Variants in FBXL20 observed in about 807,000 individuals in gnomAD.
The protein encoded by FBXL20 is F-box and leucine rich repeat protein 20.
FBXL20 carries 11 observed loss-of-function variants against 64.0 expected under a neutral mutation model. The observed-to-expected ratio is 0.17, with a 90% CI of 0.11 to 0.28. The LOEUF is 0.28. FBXL20 is among the 10% of genes least tolerant of loss of function. The pLI is 1.00. For missense variants in FBXL20, 303 were observed against 526.2 expected (o/e 0.58, Z 4.15); for synonymous variants, 184 against 189.0 (o/e 0.97, Z 0.22).
At chr17:39,291,539 T>C (rs1304951497) in intron 6 of FBXL20, among the ~76,000 whole-genome samples, 6 of 150,936 alleles carry the variant, frequency 4.0e-5, no homozygotes, top group Non-Finnish European at 8.8e-5. Context: ...GTTCAAGCGA[T>C]TCTCCTGCCT....
intron 9 of FBXL20, among the ~76,000 whole-genome samples, chr17:39,280,906 G>C (rs1458595432): frequency 6.6e-6 from 1 of 152,014 alleles, no homozygotes; most frequent in Admixed American, 6.6e-5. Context: ...TGGGACTACA[G>C]GCACACACCA....
At chr17:39,338,783 A>C (rs2047554032) in intron 2 of FBXL20, among the ~76,000 whole-genome samples, 1 of 152,192 alleles carries the variant, frequency 6.6e-6, no homozygotes. Context: ...GTCAAACTGC[A>C]TAACTTGAAT....
chr17:39,298,337 GT>G (rs2047105057), intron 5 of FBXL20, among the ~76,000 whole-genome samples: 3 of 152,010 alleles, frequency 2.0e-5, no homozygotes, highest in Non-Finnish European at 4.4e-5. Flanking sequence ...GCCTAGATTG[GT>G]CTTGTACTCC....
chr17:39,370,997 T>A (rs900727079), intron 1 of FBXL20, among the ~76,000 whole-genome samples: 1 of 151,962 alleles, frequency 6.6e-6, no homozygotes, highest in Non-Finnish European at 1.5e-5. Flanking sequence ...GGCGGGTGGA[T>A]CACCTGAGTT....
Position 39,401,343 on chromosome 17 carries a change from AGCC to A in FBXL20, c.42+15_42+17del, listed in dbSNP as rs2048241300. On this transcript the variant is annotated intron_variant, in intron 1 of 14. Coordinates refer to ENST00000264658, the MANE Select transcript of FBXL20 (RefSeq NM_032875.3). Reference sequence around the variant, plus strand: ...CGACCCGCCCTCCTCACGCCGCCCGAGCCCCCCAAGCTCACACCTCAAACCTGC... The same window carrying A: ...CGACCCGCCCTCCTCACGCCGCCCGACCCCAAGCTCACACCTCAAACCTGC... The A allele has an allele frequency of 1.9e-6, 3 of 1,611,654 alleles. No individual in the cohort carries two copies. The African/African-American group carries it at 4.1e-5, about 22-fold the overall frequency.
At chr17:39,363,241 C>T (rs2047817174) in intron 1 of FBXL20, among the ~76,000 whole-genome samples, 1 of 149,244 alleles carries the variant, frequency 6.7e-6, no homozygotes, top group African/African-American at 2.5e-5. Flanking sequence ...CTTGAACTCC[C>T]AACCTCAGGT....
At chr17:39,318,589 C>T (rs944236364) in intron 2 of FBXL20, among the ~76,000 whole-genome samples, 1 of 151,842 alleles carries the variant, frequency 6.6e-6, no homozygotes, top group African/African-American at 2.4e-5. Flanking sequence ...AAAAATACAA[C>T]ATTAGCCAGG....
intron 1 of FBXL20, among the ~76,000 whole-genome samples, chr17:39,372,425 A>G (rs1169016154): frequency 6.9e-6 from 1 of 144,052 alleles, no homozygotes; most frequent in Non-Finnish European, 1.5e-5. Flanking sequence ...AGGCTGAGGC[A>G]GGAGAATCGC....
intron 2 of FBXL20, among the ~76,000 whole-genome samples, chr17:39,312,345 T>C (rs9913320): frequency 0.33 from 49,266 of 150,464 alleles, 9,207 homozygotes; most frequent in African/African-American, 0.51. Flanking sequence ...ACCCAGGTGA[T>C]GGAGGTTGCA....
At chr17:39,397,703 A>G (rs2144689582) in intron 1 of FBXL20, among the ~76,000 whole-genome samples, 1 of 152,218 alleles carries the variant, frequency 6.6e-6, no homozygotes, top group South Asian at 2.1e-4. Context: ...TAATTCTAAC[A>G]CTTTGGGAGG....
intron 1 of FBXL20, among the ~76,000 whole-genome samples, chr17:39,349,763 C>T (rs544141585): frequency 2.0e-5 from 3 of 152,014 alleles, no homozygotes; most frequent in East Asian, 3.9e-4. Context: ...GGTGAAACCC[C>T]ATCTCTACTA....
At chr17:39,392,882 G>T (rs2048147950) in intron 1 of FBXL20, among the ~76,000 whole-genome samples, 1 of 151,784 alleles carries the variant, frequency 6.6e-6, no homozygotes, top group Non-Finnish European at 1.5e-5. Flanking sequence ...GGGTAGTGGT[G>T]CATGCCTGTA....
chr17:39,266,046 G>T lies in FBXL20; in HGVS notation c.934-593C>A, dbSNP rs556241403. Among the ~76,000 whole-genome samples, 190 of 149,104 alleles carry T rather than the reference G, an allele frequency of 1.3e-3. 1 individual carries two copies. Among genetic ancestry groups the T allele is most frequent in the Non-Finnish European group, 2.4e-3 (162 of 67,600 alleles). Reference sequence around the variant, plus strand: ...CAGGTGTGAACCACTGCATGTAGCAGCCCCATACCTCATTCATTCTTTTTT... The same window carrying T: ...CAGGTGTGAACCACTGCATGTAGCATCCCCATACCTCATTCATTCTTTTTT... On this transcript the variant is annotated intron_variant, in intron 12 of 14. Coordinates refer to ENST00000264658, the MANE Select transcript of FBXL20 (RefSeq NM_032875.3).
At chr17:39,293,551 A>T (rs2047059623) in intron 6 of FBXL20, among the ~76,000 whole-genome samples, 1 of 152,170 alleles carries the variant, frequency 6.6e-6, no homozygotes, top group South Asian at 2.1e-4. Flanking sequence ...AAATAAAAAA[A>T]TAAAATATTT....
chr17:39,329,135 G>T (rs978892582), intron 2 of FBXL20, among the ~76,000 whole-genome samples: 11 of 152,020 alleles, frequency 7.2e-5, no homozygotes, highest in Non-Finnish European at 1.5e-4. Flanking sequence ...ACATGACAAC[G>T]AAAAAATCTG....
chr17:39,346,729 C>A (rs1035642680), intron 1 of FBXL20, among the ~76,000 whole-genome samples: 5 of 151,888 alleles, frequency 3.3e-5, no homozygotes, highest in Non-Finnish European at 7.4e-5. Flanking sequence ...TTCTAGGGTA[C>A]ATGTGCACAA....
At chr17:39,329,742 A>C (rs1277829033) in intron 2 of FBXL20, among the ~76,000 whole-genome samples, 2 of 152,192 alleles carry the variant, frequency 1.3e-5, no homozygotes, top group East Asian at 3.8e-4. Context: ...TCACATCTGT[A>C]ATCCCAGTGC....
intron 2 of FBXL20, among the ~76,000 whole-genome samples, chr17:39,315,636 G>A (rs1301503544): frequency 6.6e-6 from 1 of 151,728 alleles, no homozygotes; most frequent in Non-Finnish European, 1.5e-5. Flanking sequence ...GATACAAGCA[G>A]GGTGAATGGG....
chr17:39,322,636 C>T (rs1243912321), intron 2 of FBXL20, among the ~76,000 whole-genome samples: 1 of 152,088 alleles, frequency 6.6e-6, no homozygotes, highest in African/African-American at 2.4e-5. Flanking sequence ...GTGTTAACTA[C>T]TGGGGGTTGT....
Sources: allele counts gnomAD v4.1 joint callset (sites outside exome capture counted in the v4.1 genomes callset), GRCh38; gene constraint gnomAD v4.1.1; transcripts MANE v1.5; gene names NCBI Gene and HGNC (gene_info 2026-07-23, HGNC 2026-07-21).